Variants in ARHGAP42 observed in about 807,000 individuals in gnomAD.
The protein encoded by ARHGAP42 is rho GTPase-activating protein 42.
In ARHGAP42, 63 loss-of-function variants were observed where a neutral mutation model predicts 125.0. That is an observed-to-expected ratio of 0.50 (90% CI 0.41 to 0.62). The LOEUF is 0.62. Among genes scored for constraint, ARHGAP42 ranks in the 20% least tolerant of loss-of-function variants. The probability of loss-of-function intolerance (pLI) is 0.00; values close to 1 mark genes in which losing one functional copy is unlikely to be tolerated. For synonymous variants in ARHGAP42, 339 were observed against 351.0 expected (o/e 0.97, Z 0.38); for missense variants, 766 against 1,024.2 (o/e 0.75, Z 3.44).
intron 1 of ARHGAP42, among the ~76,000 whole-genome samples, chr11:100,701,406 A>T (rs1163915916): frequency 1.3e-5 from 2 of 152,204 alleles, no homozygotes; most frequent in African/African-American, 2.4e-5. Context: ...CTCTGTAGCT[A>T]TGAAAGTCCT....
chr11:100,829,036 A>G (rs1207016756), intron 3 of ARHGAP42, among the ~76,000 whole-genome samples: 1 of 152,216 alleles, frequency 6.6e-6, no homozygotes, highest in Non-Finnish European at 1.5e-5. Context: ...GGAATCTGGA[A>G]ATAGGCAGCC....
At chr11:100,943,974 A>T (rs559947236) in intron 10 of ARHGAP42, 106 bp downstream of exon 10, 12 of 720,534 alleles carry the variant, frequency 1.7e-5, no homozygotes, top group Non-Finnish European at 2.4e-5. Context: ...TTAGTCTTTT[A>T]AAAAACAGTA....
Position 100,933,142 on chromosome 11 carries a change from C to A in ARHGAP42, c.598-14C>A. On this transcript the variant is annotated splice_polypyrimidine_tract_variant and intron_variant, in intron 6 of 23. Transcript: ENST00000298815. Reference sequence around the variant, plus strand: ...ACACATTTTCATGGTTTCTTTATCTCTTTATCTTTGCAGCTTTTGTCATTT... The same window carrying A: ...ACACATTTTCATGGTTTCTTTATCTATTTATCTTTGCAGCTTTTGTCATTT... The A allele has an allele frequency of 6.6e-7, 1 of 1,521,852 alleles. No homozygotes were observed. Among genetic ancestry groups the A allele is most frequent in the Admixed American group, 2.0e-5 (1 of 50,474 alleles). The allele number at this position is 1,521,852 out of a possible 1,614,324, so 94.3% of individuals were successfully genotyped here.
At chr11:100,705,706 C>T (rs1861471945) in intron 1 of ARHGAP42, among the ~76,000 whole-genome samples, 1 of 152,084 alleles carries the variant, frequency 6.6e-6, no homozygotes. Context: ...TTTACCTTAC[C>T]TGGACACATG....
intron 2 of ARHGAP42, among the ~76,000 whole-genome samples, chr11:100,788,935 T>C (rs983529543): frequency 6.6e-6 from 1 of 152,200 alleles, no homozygotes; most frequent in Non-Finnish European, 1.5e-5. Flanking sequence ...CATAAACTAC[T>C]GATGTGATGG....
At chr11:100,781,979 A>G (rs1863326211) in intron 2 of ARHGAP42, among the ~76,000 whole-genome samples, 1 of 151,066 alleles carries the variant, frequency 6.6e-6, no homozygotes. Flanking sequence ...AATTTTCCCA[A>G]TTCTCTATTT....
At position 100,844,654 on chromosome 11, in the gene ARHGAP42, A is replaced by C. The variant is rs575468315; in HGVS notation, c.313-14900A>C. Among the ~76,000 whole-genome samples, 34 of 152,260 alleles carry C rather than the reference A, an allele frequency of 2.2e-4. No individual in the cohort carries two copies. The East Asian group carries it at 5.4e-3, about 24-fold the overall frequency. On this transcript the variant is annotated intron_variant, in intron 3 of 23. Transcript: ENST00000298815. ...GATAAGGACAGGAATAGACAATTCT[A>C]AAAGGAGATAGACAAGTGGCTAAGA... is the stretch of plus-strand genomic sequence containing the variant.
At chr11:100,950,651 A>G (rs558924562) in intron 12 of ARHGAP42, among the ~76,000 whole-genome samples, 1 of 152,058 alleles carries the variant, frequency 6.6e-6, no homozygotes, top group African/African-American at 2.4e-5. Flanking sequence ...TTACCTGCCA[A>G]CTTCTTGCTA....
intron 1 of ARHGAP42, among the ~76,000 whole-genome samples, chr11:100,735,882 T>C (rs1168372476): frequency 6.6e-6 from 1 of 151,802 alleles, no homozygotes; most frequent in African/African-American, 2.4e-5. Flanking sequence ...TCCCAAAGTG[T>C]TGGGATTACA....
intron 3 of ARHGAP42, among the ~76,000 whole-genome samples, chr11:100,841,384 C>G (rs191280223): frequency 2.0e-3 from 299 of 152,108 alleles, no homozygotes; most frequent in African/African-American, 6.8e-3. Context: ...AACTTCCCCT[C>G]AACTCTCAGT....
intron 1 of ARHGAP42, among the ~76,000 whole-genome samples, chr11:100,693,131 T>C (rs1455992892): frequency 6.6e-6 from 1 of 152,004 alleles, no homozygotes; most frequent in Non-Finnish European, 1.5e-5. Flanking sequence ...TGTTTTAGGA[T>C]ATTTTTGGTT....
chr11:100,825,818 T>G (rs1864503609), intron 3 of ARHGAP42, among the ~76,000 whole-genome samples: 1 of 152,222 alleles, frequency 6.6e-6, no homozygotes, highest in Non-Finnish European at 1.5e-5. Context: ...GTTTTATGAC[T>G]CCAATTTAGG....
At chr11:100,701,205 T>A (rs1287832552) in intron 1 of ARHGAP42, among the ~76,000 whole-genome samples, 1 of 151,820 alleles carries the variant, frequency 6.6e-6, no homozygotes, top group Non-Finnish European at 1.5e-5. Context: ...AAATATTCAG[T>A]AAACAGTGTA....
Position 100,976,435 on chromosome 11 carries a change from A to C in ARHGAP42, c.2234A>C (p.Glu745Ala). The change falls in exon 20 of 24, where the codon GAA (glutamate) becomes GCA (alanine). Residue 745 changes from glutamate to alanine, a missense_variant and splice_region_variant. By Grantham distance (107) the Glu-to-Ala change is moderately radical (BLOSUM62 -1). Coordinates refer to ENST00000298815, the MANE Select transcript of ARHGAP42 (RefSeq NM_152432.4). ...TCTCTCAGATCCATCTCTGCAGCTG[A>C]AGGTAAGGCAGAGTGGAACTTGTGC... ...ASSLRSISAAEGNKSYSGSIQ... is the reference protein window; with the variant it reads ...ASSLRSISAAAGNKSYSGSIQ... 6.6e-7 allele frequency: 1 copy of C among 1,518,718 alleles called. No homozygotes were observed. The highest frequency in any genetic ancestry group is 8.8e-7 in the Non-Finnish European group (1 of 1,135,104). The allele number at this position is 1,518,718 out of a possible 1,614,324, so 94.1% of individuals were successfully genotyped here.
At chr11:100,974,093 A>G (rs1352289344) in intron 18 of ARHGAP42, among the ~76,000 whole-genome samples, 2 of 152,182 alleles carry the variant, frequency 1.3e-5, no homozygotes, top group African/African-American at 2.4e-5. Context: ...TTCTCCTGAG[A>G]AGCAAGGAGC....
At chr11:100,942,445 T>G (rs1867911299) in intron 9 of ARHGAP42, among the ~76,000 whole-genome samples, 1 of 152,172 alleles carries the variant, frequency 6.6e-6, no homozygotes, top group Non-Finnish European at 1.5e-5. Context: ...ATGTACTTTG[T>G]TTGAGGAAAT....
At chr11:100,867,195 T>C (rs1865589248) in intron 4 of ARHGAP42, among the ~76,000 whole-genome samples, 1 of 152,214 alleles carries the variant, frequency 6.6e-6, no homozygotes, top group Non-Finnish European at 1.5e-5. Flanking sequence ...CAACTTAAAG[T>C]CACCAGCTGC....
At chr11:100,882,119 C>T (rs1366784908) in intron 4 of ARHGAP42, among the ~76,000 whole-genome samples, 2 of 152,154 alleles carry the variant, frequency 1.3e-5, no homozygotes, top group African/African-American at 2.4e-5. Context: ...CTAGGACTTC[C>T]GGCACTATGT....
At chr11:100,853,379 G>A (rs1865250114) in intron 3 of ARHGAP42, among the ~76,000 whole-genome samples, 1 of 152,100 alleles carries the variant, frequency 6.6e-6, no homozygotes, top group South Asian at 2.1e-4. Context: ...GTTAAGTCTG[G>A]TATTTGAAAA....
Sources: allele counts gnomAD v4.1 joint callset (sites outside exome capture counted in the v4.1 genomes callset), GRCh38; gene constraint gnomAD v4.1.1; transcripts MANE v1.5; gene names NCBI Gene and HGNC (gene_info 2026-07-23, HGNC 2026-07-21).